Variants in PLCB1 observed in about 807,000 individuals in gnomAD.
PLCB1 encodes the protein 1-phosphatidylinositol 4,5-bisphosphate phosphodiesterase beta-1.
In PLCB1, 46 loss-of-function variants were observed where a neutral mutation model predicts 161.8. The observed-to-expected ratio is 0.28, with a 90% CI of 0.22 to 0.36. PLCB1 has a LOEUF of 0.36. Ranked by LOEUF, PLCB1 falls within the 10% of genes least tolerant of loss-of-function variation. The pLI is 1.00. For synonymous variants in PLCB1, 517 were observed against 503.7 expected (o/e 1.03, Z -0.35); for missense variants, 1,016 against 1,472.5 (o/e 0.69, Z 5.07).
chr20:8,398,764 C>A (rs191343243), intron 3 of PLCB1, among the ~76,000 whole-genome samples: 70 of 151,800 alleles, frequency 4.6e-4, no homozygotes, highest in African/African-American at 1.7e-3. Context: ...GCATAATTTG[C>A]ACTTTTTTTT....
intron 2 of PLCB1, among the ~76,000 whole-genome samples, chr20:8,184,471 G>A (rs1341315673): frequency 1.3e-5 from 2 of 151,908 alleles, no homozygotes; most frequent in Admixed American, 6.6e-5. Flanking sequence ...ATTAGATTAG[G>A]TGGGCTTCTT....
At chr20:8,338,042 G>T (rs998009349) in intron 2 of PLCB1, among the ~76,000 whole-genome samples, 7 of 152,264 alleles carry the variant, frequency 4.6e-5, no homozygotes, top group African/African-American at 1.7e-4. Flanking sequence ...CAAGACTGTG[G>T]TTCTCAGGAA....
chr20:8,774,616 A>T lies in PLCB1; in HGVS notation c.3008A>T (p.Gln1003Leu), dbSNP rs1440414287. ...GCTGCTCTGGATGCTGAAATGACCCAAAAGTTAATAGACTTGAAGGACAAA... is the reference window on the plus strand; with the variant it reads ...GCTGCTCTGGATGCTGAAATGACCCTAAAGTTAATAGACTTGAAGGACAAA... ...DLAALDAEMTQKLIDLKDKQQ... is the reference protein window; with the variant it reads ...DLAALDAEMTLKLIDLKDKQQ... The change falls in exon 27 of 32, where the codon CAA becomes CTA. Residue 1003 changes from glutamine (Q) to leucine (L), a missense_variant. Gln to Leu is a moderately radical substitution (Grantham distance 113). Coordinates refer to ENST00000338037, the MANE Select transcript of PLCB1 (RefSeq NM_015192.4). The T allele has an allele frequency of 6.2e-7, 1 of 1,613,856 alleles. No individual in the cohort carries two copies. Among genetic ancestry groups the T allele is most frequent in the Non-Finnish European group, 8.5e-7 (1 of 1,179,890 alleles).
In PLCB1 at chr20:8,649,359, G is replaced by T. The variant is rs1220955450; in HGVS notation, c.519-15G>T. On this transcript the variant is annotated splice_polypyrimidine_tract_variant and intron_variant, in intron 6 of 31. Transcript: ENST00000338037. ...GCCATTTAAACCTCTCTCCTTTGTT[G>T]TGTTCACTTCACAGCATATATCGCT... 1.2e-6 allele frequency: 2 copies of T among 1,603,810 alleles called. No individual in the cohort carries two copies. The highest frequency in any genetic ancestry group is 1.3e-5 in the African/African-American group (1 of 74,692).
chr20:8,272,045 C>G (rs1982311619), intron 2 of PLCB1, among the ~76,000 whole-genome samples: 1 of 152,032 alleles, frequency 6.6e-6, no homozygotes, highest in Non-Finnish European at 1.5e-5. Context: ...CATAGCATCA[C>G]TTAGGCGTCT....
At chr20:8,421,393 G>T (rs697897) in intron 3 of PLCB1, among the ~76,000 whole-genome samples, 35,873 of 151,976 alleles carry the variant, frequency 0.24, 4,568 homozygotes, top group East Asian at 0.42. Context: ...TCAAACCCCT[G>T]AGGGTGCACC....
intron 3 of PLCB1, among the ~76,000 whole-genome samples, chr20:8,383,430 T>C (rs562245594): frequency 2.6e-4 from 39 of 152,326 alleles, no homozygotes; most frequent in African/African-American, 8.4e-4. Context: ...ATATGTGTCT[T>C]TGCATGTGAG....
chr20:8,824,309 C>G (rs935656325), intron 31 of PLCB1, among the ~76,000 whole-genome samples: 1 of 152,138 alleles, frequency 6.6e-6, no homozygotes, highest in Admixed American at 6.5e-5. Context: ...GGTGGATACA[C>G]TAAGCATAGA....
intron 2 of PLCB1, among the ~76,000 whole-genome samples, chr20:8,272,349 C>T (rs1333253832): frequency 6.6e-6 from 1 of 151,754 alleles, no homozygotes. Context: ...TTTTGTTAAT[C>T]CAACAAAGGT....
intron 3 of PLCB1, among the ~76,000 whole-genome samples, chr20:8,516,523 A>G (rs545621546): frequency 2.0e-5 from 3 of 152,076 alleles, no homozygotes; most frequent in Non-Finnish European, 2.9e-5. Context: ...CCTTTTATAC[A>G]TGTAAGTACA....
intron 25 of PLCB1, 45 bp from the exon 26 acceptor site, chr20:8,765,094 G>A (rs377524062): frequency 1.1e-4 from 167 of 1,466,684 alleles, no homozygotes; most frequent in Non-Finnish European, 1.5e-4. Flanking sequence ...CCATCTGGAT[G>A]TTCAGCCCTC....
chr20:8,343,918 A>C (rs1985902366), intron 2 of PLCB1, among the ~76,000 whole-genome samples: 1 of 152,220 alleles, frequency 6.6e-6, no homozygotes, highest in South Asian at 2.1e-4. Context: ...GCTTTGTAGG[A>C]TATCAGGATT....
chr20:8,799,319 C>T (rs748721454), intron 31 of PLCB1, among the ~76,000 whole-genome samples: 6 of 152,122 alleles, frequency 3.9e-5, no homozygotes, highest in Middle Eastern at 3.2e-3. Flanking sequence ...ATTTTAACAC[C>T]GGGAATAGGA....
intron 18 of PLCB1, among the ~76,000 whole-genome samples, chr20:8,732,831 C>A (rs1980340184): frequency 7.5e-6 from 1 of 133,938 alleles, no homozygotes; most frequent in African/African-American, 2.7e-5. Flanking sequence ...TTTGTATATA[C>A]TATATTTATA....
chr20:8,155,659 G>T (rs1191900698), intron 2 of PLCB1, among the ~76,000 whole-genome samples: 2 of 152,116 alleles, frequency 1.3e-5, no homozygotes, highest in African/African-American at 4.8e-5. Context: ...ATTTTTAGCA[G>T]TGGGGCTTTC....
intron 11 of PLCB1, among the ~76,000 whole-genome samples, chr20:8,704,984 C>CTTTTT (rs368791318): frequency 1.7e-5 from 2 of 118,806 alleles, no homozygotes; most frequent in Non-Finnish European, 3.3e-5. Context: ...CTCCTTTACT[C>CTTTTT]TTTTTTTTTT....
At chr20:8,671,718 G>A (rs532623453) in intron 9 of PLCB1, among the ~76,000 whole-genome samples, 1 of 152,284 alleles carries the variant, frequency 6.6e-6, no homozygotes, top group South Asian at 2.1e-4. Flanking sequence ...CAACTGCCAA[G>A]AAGGCAGGAT....
At chr20:8,514,299 G>C (rs879223675) in intron 3 of PLCB1, among the ~76,000 whole-genome samples, 1 of 151,990 alleles carries the variant, frequency 6.6e-6, no homozygotes, top group Admixed American at 6.6e-5. Context: ...AATTAGCCAG[G>C]CGTGGTGGCG....
intron 2 of PLCB1, among the ~76,000 whole-genome samples, chr20:8,248,542 T>C (rs1429457455): frequency 6.6e-6 from 1 of 151,932 alleles, no homozygotes. Flanking sequence ...GCAGCAGCAG[T>C]ATCTGCTACG....
Sources: allele counts gnomAD v4.1 joint callset (sites outside exome capture counted in the v4.1 genomes callset), GRCh38; gene constraint gnomAD v4.1.1; transcripts MANE v1.5; gene names NCBI Gene and HGNC (gene_info 2026-07-23, HGNC 2026-07-21).